The following KCNIP1 variants were observed in gnomAD, a reference collection of about 807,000 sequenced individuals.
KCNIP1 encodes the protein A-type potassium channel modulatory protein KCNIP1.
Under a neutral mutation model 33.0 loss-of-function variants are expected in KCNIP1, and 18 were observed. The observed-to-expected ratio is 0.55, with a 90% CI of 0.38 to 0.81. The LOEUF (loss-of-function observed/expected upper bound fraction) is 0.81. Among genes scored for constraint, KCNIP1 ranks in the 30% least tolerant of loss-of-function variants. The pLI is 0.00. For missense variants in KCNIP1, 238 were observed against 271.6 expected, an observed-to-expected ratio of 0.88 and a Z score of 0.87; for synonymous variants, 93 against 98.3, an observed-to-expected ratio of 0.95 and a Z score of 0.32.
chr5:170,704,554 G>T (rs1180262817), intron 1 of KCNIP1, among the ~76,000 whole-genome samples: 2 of 152,300 alleles, frequency 1.3e-5, no homozygotes, highest in South Asian at 2.1e-4. Context: ...CAGGGCCCTA[G>T]CGTGGACTCT....
chr5:170,426,634 G>T (rs897703600), intron 1 of KCNIP1, among the ~76,000 whole-genome samples: 1 of 152,252 alleles, frequency 6.6e-6, no homozygotes, highest in South Asian at 2.1e-4. Context: ...TCTGCACACA[G>T]AGGCTTAACA....
intron 1 of KCNIP1, among the ~76,000 whole-genome samples, chr5:170,462,708 T>C (rs1756531866): frequency 6.6e-6 from 1 of 152,108 alleles, no homozygotes; most frequent in South Asian, 2.1e-4. Flanking sequence ...CAATTCGCAA[T>C]TGTAAAAACG....
At chr5:170,365,940 A>G (rs1194078125) in intron 1 of KCNIP1, among the ~76,000 whole-genome samples, 1 of 152,212 alleles carries the variant, frequency 6.6e-6, no homozygotes, top group Non-Finnish European at 1.5e-5. Flanking sequence ...TTTGCTGTTT[A>G]TCAGGGCTGA....
chr5:170,503,150 G>A (rs538173099), upstream of KCNIP1, among the ~76,000 whole-genome samples: 1 of 152,204 alleles, frequency 6.6e-6, no homozygotes, highest in African/African-American at 2.4e-5. Context: ...AGCACTTTGG[G>A]AGGCCAAGGC....
At chr5:170,386,941 T>C (rs1392889095) in intron 1 of KCNIP1, among the ~76,000 whole-genome samples, 2 of 152,064 alleles carry the variant, frequency 1.3e-5, no homozygotes, top group Non-Finnish European at 2.9e-5. Context: ...AGGCTCCTGA[T>C]CGCTCCCCCA....
intron 1 of KCNIP1, among the ~76,000 whole-genome samples, chr5:170,637,728 T>TG (rs1760345818): frequency 1.3e-5 from 2 of 152,138 alleles, no homozygotes; most frequent in Non-Finnish European, 2.9e-5. Context: ...CCTGCCCTCC[T>TG]GCTCCTCCTG....
At chr5:170,680,951 C>T (rs1350760609) in intron 1 of KCNIP1, 4 of 397,886 alleles carry the variant, frequency 1.0e-5, no homozygotes, top group Non-Finnish European at 1.8e-5. Context: ...AAGAGGAAGG[C>T]AGACTGGTGG....
chr5:170,398,761 A>G (rs1754821845), intron 1 of KCNIP1, among the ~76,000 whole-genome samples: 1 of 152,110 alleles, frequency 6.6e-6, no homozygotes, highest in African/African-American at 2.4e-5. Context: ...CCCCACCCCA[A>G]TCCCTCCCAG....
intron 5 of KCNIP1, among the ~76,000 whole-genome samples, chr5:170,725,390 G>T (rs1763974794): frequency 6.6e-6 from 1 of 152,134 alleles, no homozygotes; most frequent in South Asian, 2.1e-4. Context: ...GGAATTGGAG[G>T]TCATTACATT....
At chr5:170,683,043 G>A (rs1317612618) in intron 1 of KCNIP1, among the ~76,000 whole-genome samples, 1 of 151,866 alleles carries the variant, frequency 6.6e-6, no homozygotes, top group African/African-American at 2.4e-5. Flanking sequence ...CATGATTGCA[G>A]TTTTTGTTTT....
intron 1 of KCNIP1, among the ~76,000 whole-genome samples, chr5:170,357,845 A>C (rs1316660917): frequency 2.6e-5 from 4 of 152,128 alleles, no homozygotes; most frequent in Non-Finnish European, 4.4e-5. Context: ...ACTTTAGACC[A>C]CTGCTTCCCC....
At chr5:170,614,374 A>G (rs77495087) in intron 1 of KCNIP1, among the ~76,000 whole-genome samples, 4,034 of 152,324 alleles carry the variant, frequency 0.026, 198 homozygotes, top group African/African-American at 0.092. Flanking sequence ...CCAGATGGCC[A>G]GGAGGACACA....
intron 1 of KCNIP1, among the ~76,000 whole-genome samples, chr5:170,509,558 A>G (rs960535091): frequency 2.6e-5 from 4 of 152,238 alleles, no homozygotes; most frequent in Non-Finnish European, 5.9e-5. Context: ...GAAAAGATGA[A>G]TGATTGAATG....
At chr5:170,634,269 G>A (rs1167377736) in intron 1 of KCNIP1, among the ~76,000 whole-genome samples, 1 of 152,164 alleles carries the variant, frequency 6.6e-6, no homozygotes, top group African/African-American at 2.4e-5. Context: ...AGTGGAGAGG[G>A]CAAGGAATAA....
chr5:170,688,645 C>G (rs1651112152), intron 1 of KCNIP1, among the ~76,000 whole-genome samples: 1 of 152,138 alleles, frequency 6.6e-6, no homozygotes, highest in South Asian at 2.1e-4. Context: ...TGTCACCCCT[C>G]CAGATAACAC....
intron 1 of KCNIP1, among the ~76,000 whole-genome samples, chr5:170,441,546 G>A (rs1755989872): frequency 6.6e-6 from 1 of 152,272 alleles, no homozygotes; most frequent in African/African-American, 2.4e-5. Context: ...ACTCAGGTGC[G>A]AGACTGAGAA....
At chr5:170,423,800 C>G (rs924278690) in intron 1 of KCNIP1, among the ~76,000 whole-genome samples, 3 of 152,284 alleles carry the variant, frequency 2.0e-5, no homozygotes, top group African/African-American at 7.2e-5. Flanking sequence ...TCACCCCCTC[C>G]CCTCCACAGG....
intron 1 of KCNIP1, among the ~76,000 whole-genome samples, chr5:170,717,235 A>C (rs929165130): frequency 2.6e-5 from 4 of 152,248 alleles, no homozygotes; most frequent in Non-Finnish European, 5.9e-5. Flanking sequence ...AATTAGACTT[A>C]TGTGAATTTT....
chr5:170,549,397 A>G (rs1756524550), intron 1 of KCNIP1, among the ~76,000 whole-genome samples: 1 of 152,152 alleles, frequency 6.6e-6, no homozygotes, highest in Admixed American at 6.5e-5. Context: ...CTTTTAGTGT[A>G]CCCATCATCC....
Sources: gnomAD v4.1 joint callset for allele counts (sites outside exome capture counted in the v4.1 genomes callset) on GRCh38, gnomAD v4.1.1 for gene constraint, MANE v1.5 for transcripts, NCBI Gene and HGNC (gene_info 2026-07-23, HGNC 2026-07-21) for gene names.